ADAMTS4: variants seen among roughly 807,000 people sequenced by gnomAD.
ADAMTS4 encodes A disintegrin and metalloproteinase with thrombospondin motifs 4.
In ADAMTS4, 38 loss-of-function variants were observed where a neutral mutation model predicts 66.7. That is an observed-to-expected ratio of 0.57 (90% confidence interval 0.44 to 0.75). The LOEUF is 0.75. Among genes scored for constraint, ADAMTS4 ranks in the 30% least tolerant of loss-of-function variants. ADAMTS4 has a pLI of 0.00. For missense variants in ADAMTS4, 1,014 were observed against 1,116.7 expected (o/e 0.91, Z 1.31); for synonymous variants, 418 against 461.5 (o/e 0.91, Z 1.21).
At chr1:161,197,920 G>C (rs575212015) in intron 1 of ADAMTS4, 75 bp downstream of exon 1, 1 of 1,506,644 alleles carries the variant, frequency 6.6e-7, no homozygotes, top group Non-Finnish European at 8.9e-7. Context: ...AGTGGGTGGA[G>C]AGAGGGTGAA....
At position 161,186,009 on chromosome 1, in the gene ADAMTS4, T is replaced by A. The variant is rs1309834136; in HGVS notation, c.*5129A>T. ...TGGTTGTCCAAACTCTTCTTGAACT[T>A]CTCTAGGGACAGGGTTCTAATCCCT... On this transcript the variant is annotated 3_prime_UTR_variant, in exon 9 of 9. Transcript: ENST00000367996. 2.0e-5 allele frequency: 3 copies of A among 152,262 alleles called. No individual in the cohort carries two copies. Among genetic ancestry groups the A allele is most frequent in the Admixed American group, 1.3e-4 (2 of 15,288 alleles). 9.4% of individuals were successfully genotyped at this position (152,262 alleles called of 1,614,324 possible).
At chr1:161,195,934 GAC>G (rs57224018) in intron 3 of ADAMTS4, 18,219 of 426,164 alleles carry the variant, frequency 0.043, 10 homozygotes, top group East Asian at 0.076. Context: ...CACACACACA[GAC>G]ACACACACAC....
rs1558078726 is a variant in ADAMTS4, at chr1:161,198,588, C to T, written c.40G>A (p.Gly14Arg). ...GGTTGGGCTCCCCACAGCCAGCGCC[C>T]TGCCAAGCCCCTCCCGGGATGCGAG... ...TGSHPGRGLA[G>R]RWLWGAQPCL... Residue 14 changes from glycine to arginine, a missense_variant, in exon 1 of 9, where the codon GGG becomes AGG. Transcript: ENST00000367996. This position sits in a 1 kb window ranked among gnomAD's most constrained non-coding sequence, Gnocchi z 4.7. The T allele has an allele frequency of 6.5e-7, 1 of 1,539,646 alleles. No individual in the cohort carries two copies. Among genetic ancestry groups the T allele is most frequent in the Non-Finnish European group, 8.8e-7 (1 of 1,141,690 alleles).
rs1664977211 is a variant in ADAMTS4, at chr1:161,198,659, G to A, written c.-32C>T. On this transcript the variant is annotated 5_prime_UTR_variant, in exon 1 of 9. Coordinates refer to ENST00000367996, the MANE Select transcript of ADAMTS4 (RefSeq NM_005099.6). This position sits in a 1 kb window ranked among gnomAD's most constrained non-coding sequence, Gnocchi z 4.7. ...GGTACTGCAGCTGGGAGGGACTGAG[G>A]CCGTCTAGGGCACCAAGTCCTCCAC... 2.7e-6 allele frequency: 4 copies of A among 1,460,064 alleles called. No individual in the cohort carries two copies. The highest frequency in any genetic ancestry group is 1.4e-5 in the South Asian group (1 of 69,820). The allele number at this position is 1,460,064 out of a possible 1,614,324, so 90.4% of individuals were successfully genotyped here.
chr1:161,196,912 A>C, intron 1 of ADAMTS4, 32 bp from the exon 2 acceptor site: 1 of 1,550,400 alleles, frequency 6.4e-7, no homozygotes, highest in Non-Finnish European at 8.7e-7. Flanking sequence ...AAGATCCTGA[A>C]ATAGCCTCTC....
Position 161,198,499 on chromosome 1 carries a change from G to T in ADAMTS4, c.129C>A (p.Ala43=), listed in dbSNP as rs576178352. 3.2e-5 allele frequency: 50 copies of T among 1,567,436 alleles called. No homozygotes were observed. In the Middle Eastern group the frequency reaches 5.0e-4, roughly 16 times the overall value. Residue 43 remains alanine, a synonymous_variant, in exon 1 of 9, where the codon GCC becomes GCA. Transcript: ENST00000367996. This position sits in a 1 kb window ranked among gnomAD's most constrained non-coding sequence, Gnocchi z 4.7. ...CCAGCCGGGCTGAGGGCAGGAGAGA[G>T]GCCAGCAGTAGCAGAAGCAGCCACA... ...WLVWLLLLLL[A]SLLPSARLAS...
intron 8 of ADAMTS4, 112 bp downstream of exon 8, chr1:161,191,953 C>T: frequency 1.5e-6 from 2 of 1,301,310 alleles, no homozygotes; most frequent in African/African-American, 1.5e-5. Context: ...ACTCGTCTAT[C>T]TCCCGCTAGA....
chr1:161,196,045 G>A, intron 3 of ADAMTS4, 126 bp downstream of exon 3: 1 of 1,198,562 alleles, frequency 8.3e-7, no homozygotes. Context: ...GCAGAGAGGA[G>A]TAATAGCCCT....
Position 161,193,403 on chromosome 1 carries a change from C to G in ADAMTS4, c.1736-15G>C, listed in dbSNP as rs769980910. On this transcript the variant is annotated splice_polypyrimidine_tract_variant and intron_variant, in intron 6 of 8. Coordinates refer to ENST00000367996, the MANE Select transcript of ADAMTS4 (RefSeq NM_005099.6). The surrounding 1 kb of genome is among the most constrained non-coding windows in gnomAD (Gnocchi z 4.4). ...GAAGGTCAGGGCTGGAGGGGTAAAA[C>G]AGTCAGAGCCCCTCCTTCCTTCCTC... 1.2e-6 allele frequency: 2 copies of G among 1,609,124 alleles called. No individual in the cohort carries two copies. The highest frequency in any genetic ancestry group is 1.7e-5 in the Admixed American group (1 of 59,818).
rs755958653 is a variant in ADAMTS4, at chr1:161,194,085, G to A, written c.1398C>T (p.Pro466=). 6.2e-7 allele frequency: 1 copy of A among 1,614,150 alleles called. No homozygotes were observed. The highest frequency in any genetic ancestry group is 8.5e-7 in the Non-Finnish European group (1 of 1,180,056). The change falls in exon 5 of 9, where the codon CCC becomes CCT. Residue 466 remains proline (P), a synonymous_variant. Transcript: ENST00000367996. This position sits in a 1 kb window ranked among gnomAD's most constrained non-coding sequence, Gnocchi z 4.1. The part of the protein sequence containing the change: ...DSRHCPQLPP[P]CAALWCSGHL... Reference sequence around the variant, plus strand: ...GGCCAGAGCACCAGAGGGCAGCACAGGGCGGCGGCAGCTGTGGACAATGGC... The same window carrying A: ...GGCCAGAGCACCAGAGGGCAGCACAAGGCGGCGGCAGCTGTGGACAATGGC...
rs771097446 is a variant in ADAMTS4, at chr1:161,191,242, G to A, written c.2410C>T (p.Arg804Trp). The A allele has an allele frequency of 3.7e-6, 6 of 1,613,480 alleles. No homozygotes were observed. The highest frequency in any genetic ancestry group is 1.3e-5 in the African/African-American group (1 of 75,064). The change falls in exon 9 of 9, where the codon CGG (arginine) becomes TGG (tryptophan). Residue 804 changes from arginine to tryptophan, a missense_variant. Transcript: ENST00000367996. Reference protein sequence around the residue: ...TRLRYSFFVPRPTPSTPRPTP... With the variant: ...TRLRYSFFVPWPTPSTPRPTP... ...GGGCGTGGCGTTGAAGGGGTCGGCC[G>A]GGGCACGAAGAAGCTGTATCGGAGG...
Position 161,193,913 on chromosome 1 carries a change from C to T in ADAMTS4, c.1548+22G>A, listed in dbSNP as rs184088647. ...CCCCACACCCCCGGGCCCTTTACCC[C>T]ACCCCTGCCCTAGGATCTCACATTG... is the stretch of plus-strand genomic sequence containing the variant. On this transcript the variant is annotated intron_variant, in intron 5 of 8. Transcript: ENST00000367996. This position sits in a 1 kb window ranked among gnomAD's most constrained non-coding sequence, Gnocchi z 4.4. 6.4e-7 allele frequency: 1 copy of T among 1,563,314 alleles called. No individual in the cohort carries two copies. The highest frequency in any genetic ancestry group is 8.7e-7 in the Non-Finnish European group (1 of 1,152,342).
Position 161,193,654 on chromosome 1 carries a change from C to T in ADAMTS4, c.1721G>A (p.Cys574Tyr). 6.2e-7 allele frequency: 1 copy of T among 1,611,396 alleles called. No individual in the cohort carries two copies. The highest frequency in any genetic ancestry group is 8.5e-7 in the Non-Finnish European group (1 of 1,178,444). ...CTACTCCTCACCTGAGCCAGTTGGGCAGTCCTCAGTGTTGCAGGAGCGGAA... is the reference window on the plus strand; with the variant it reads ...CTACTCCTCACCTGAGCCAGTTGGGTAGTCCTCAGTGTTGCAGGAGCGGAA... ...TRFRSCNTED[C>Y]PTGSALTFRE... is the part of the protein sequence containing the mutation. Residue 574 changes from cysteine to tyrosine, a missense_variant, in exon 6 of 9, where the codon TGC becomes TAC. By Grantham distance (194) the Cys-to-Tyr change is radical. Coordinates refer to ENST00000367996, the MANE Select transcript of ADAMTS4 (RefSeq NM_005099.6). This position sits in a 1 kb window ranked among gnomAD's most constrained non-coding sequence, Gnocchi z 4.4.
rs748145449 is a variant in ADAMTS4 at position 161,194,080 on chromosome 1, G to C, written c.1403C>G (p.Ala468Gly). 1.2e-6 allele frequency: 2 copies of C among 1,614,242 alleles called. No individual in the cohort carries two copies. Among genetic ancestry groups the C allele is most frequent in the South Asian group, 2.2e-5 (2 of 91,090 alleles). The stretch of plus-strand genomic sequence containing the variant: ...GAGGTGGCCAGAGCACCAGAGGGCA[G>C]CACAGGGCGGCGGCAGCTGTGGACA... ...RHCPQLPPPC[A>G]ALWCSGHLNG... Residue 468 changes from alanine to glycine, a missense_variant, in exon 5 of 9, where the codon GCT (alanine) becomes GGT (glycine). Transcript: ENST00000367996. The surrounding 1 kb of genome is among the most constrained non-coding windows in gnomAD (Gnocchi z 4.1).
rs1558076893 is a variant in ADAMTS4, at chr1:161,196,851, C to G, written c.663G>C (p.Glu221Asp). ...KRFASLSRFV[E>D]TLVVADDKMA... ...TCTTGTCATCTGCCACCACCAGTGT[C>G]TCCACAAATCTACTCAGTGAAGCAA... The change falls in exon 2 of 9, where the codon GAG becomes GAC. Residue 221 changes from glutamate (E) to aspartate (D), a missense_variant. Glu to Asp is a conservative substitution (Grantham distance 45). Transcript: ENST00000367996. 6.2e-7 allele frequency: 1 copy of G among 1,605,870 alleles called. No individual in the cohort carries two copies. Among genetic ancestry groups the G allele is most frequent in the African/African-American group, 1.3e-5 (1 of 75,016 alleles).
chr1:161,196,874 C>A lies in ADAMTS4; in HGVS notation c.640G>T (p.Ala214Ser). 6.3e-7 allele frequency: 1 copy of A among 1,597,184 alleles called. No homozygotes were observed. ...SPRPRRAKRF[A>S]SLSRFVETLV... is the part of the protein sequence containing the mutation. ...GTCTCCACAAATCTACTCAGTGAAGCAAAGCGCTGTAGAGAAAAAGGGAGA... is the reference window on the plus strand; with the variant it reads ...GTCTCCACAAATCTACTCAGTGAAGAAAAGCGCTGTAGAGAAAAAGGGAGA... The change falls in exon 2 of 9, where the codon GCT becomes TCT. Residue 214 changes from alanine to serine, a missense_variant. Ala to Ser is a moderately conservative substitution (Grantham distance 99). Coordinates refer to ENST00000367996, the MANE Select transcript of ADAMTS4 (RefSeq NM_005099.6).
Position 161,198,130 on chromosome 1 carries a change from C to T in ADAMTS4, c.498G>A (p.Glu166=), listed in dbSNP as rs770076669. The T allele has an allele frequency of 8.1e-6, 13 of 1,613,966 alleles. No homozygotes were observed. The highest frequency in any genetic ancestry group is 1.3e-5 in the African/African-American group (1 of 74,926). ...RGAELHLQPL[E]GGTPNSAGGP... is the part of the protein sequence containing the mutation. Reference sequence around the variant, plus strand: ...CCCCAGCAGAGTTAGGGGTGCCTCCCTCCAGGGGCTGGAGGTGGAGTTCAG... The same window carrying T: ...CCCCAGCAGAGTTAGGGGTGCCTCCTTCCAGGGGCTGGAGGTGGAGTTCAG... Residue 166 remains glutamate, a synonymous_variant, in exon 1 of 9, where the codon GAG becomes GAA. Coordinates refer to ENST00000367996, the MANE Select transcript of ADAMTS4 (RefSeq NM_005099.6). The surrounding 1 kb of genome is among the most constrained non-coding windows in gnomAD (Gnocchi z 4.7).
chr1:161,198,795 T>G lies in ADAMTS4; in HGVS notation c.-168A>C. 1 of 629,488 alleles carries G rather than the reference T, an allele frequency of 1.6e-6. No homozygotes were observed. The highest frequency in any genetic ancestry group is 2.6e-6 in the Non-Finnish European group (1 of 386,686). 39.0% of individuals were successfully genotyped at this position (629,488 alleles called of 1,614,324 possible). ...GACCGTTAAAGGAAATGGAGAAAAC[T>G]TAGTCCTTGGGCTTGGGAGAGGTGC... On this transcript the variant is annotated 5_prime_UTR_variant, in exon 1 of 9. An upstream open reading frame in the 5' UTR loses its in-frame stop. Transcript: ENST00000367996. The surrounding 1 kb of genome is among the most constrained non-coding windows in gnomAD (Gnocchi z 4.7).
Position 161,198,337 on chromosome 1 carries a change from C to T in ADAMTS4, c.291G>A (p.Glu97=). ...CCTCGACCTGCACACCGGAGTCCTGCTCCAGCTCTAGTAGCAGCGTCTCCC... is the reference window on the plus strand; with the variant it reads ...CCTCGACCTGCACACCGGAGTCCTGTTCCAGCTCTAGTAGCAGCGTCTCCC... ...AFGETLLLEL[E]QDSGVQVEGL... The change falls in exon 1 of 9, where the codon GAG becomes GAA. Residue 97 remains glutamate (E), a synonymous_variant. Coordinates refer to ENST00000367996, the MANE Select transcript of ADAMTS4 (RefSeq NM_005099.6). The surrounding 1 kb of genome is among the most constrained non-coding windows in gnomAD (Gnocchi z 4.7). The T allele has an allele frequency of 1.2e-6, 2 of 1,613,384 alleles. No individual in the cohort carries two copies. The highest frequency in any genetic ancestry group is 1.7e-6 in the Non-Finnish European group (2 of 1,180,002).
Sources: allele counts gnomAD v4.1 joint callset, GRCh38; gene constraint gnomAD v4.1.1; non-coding constraint Gnocchi (gnomAD v3.1); transcripts MANE v1.5; gene names NCBI Gene and HGNC (gene_info 2026-07-23, HGNC 2026-07-21).